Variants in RPS19 observed in about 807,000 individuals in gnomAD.
The protein encoded by RPS19 is ribosomal protein S19, also known as small ribosomal subunit protein eS19.
In RPS19, 1 loss-of-function variant was observed where a neutral mutation model predicts 20.3. That is an observed-to-expected ratio of 0.05 (90% confidence interval 0.02 to 0.23). The LOEUF (loss-of-function observed/expected upper bound fraction) is 0.23, where lower values mean the gene tolerates loss of function less well. Among genes scored for constraint, RPS19 ranks in the 10% least tolerant of loss-of-function variants. The probability of loss-of-function intolerance (pLI) is 1.00; values close to 1 mark genes in which losing one functional copy is unlikely to be tolerated. For missense variants in RPS19, 111 were observed against 192.7 expected (o/e 0.58, Z 2.51); for synonymous variants, 87 against 74.8 (o/e 1.16, Z -0.84).
intron 3 of RPS19, among the ~76,000 whole-genome samples, chr19:41,866,301 A>G (rs1031672785): frequency 6.6e-6 from 1 of 152,206 alleles, no homozygotes; most frequent in Non-Finnish European, 1.5e-5. Flanking sequence ...TGCGTTCCCC[A>G]GTCCTGGGTA....
chr19:41,871,207 CCCACAG>C lies in RPS19; in HGVS notation c.412-143_412-138del, dbSNP rs2123290284. 3.8e-6 allele frequency: 3 copies of C among 782,618 alleles called. No homozygotes were observed. The East Asian group carries it at 7.4e-5, about 19-fold the overall frequency. 48.5% of individuals were successfully genotyped at this position (782,618 alleles called of 1,614,324 possible). Reference sequence around the variant, plus strand: ...TCCACGTCTGTGAAATGGGGGAATACCCACAGTGAGAATTAGATGAGATAGATGCAT... The same window carrying C: ...TCCACGTCTGTGAAATGGGGGAATACTGAGAATTAGATGAGATAGATGCAT... On this transcript the variant is annotated intron_variant, in intron 5 of 5. Coordinates refer to ENST00000598742, the MANE Select transcript of RPS19 (RefSeq NM_001022.4).
chr19:41,868,888 G>A (rs528286254), intron 3 of RPS19, 143 bp from the exon 4 acceptor site: 2 of 854,850 alleles, frequency 2.3e-6, no homozygotes, highest in East Asian at 5.3e-5. Flanking sequence ...GTGAGGAGAG[G>A]GGGCTGTCAG....
In RPS19 at chr19:41,871,924, C is replaced by G. The variant is rs956646830; in HGVS notation, c.*547C>G. The G allele has an allele frequency of 6.0e-6, 1 of 166,318 alleles. No homozygotes were observed. Among genetic ancestry groups the G allele is most frequent in the Middle Eastern group, 3.0e-3 (1 of 338 alleles). 10.3% of individuals were successfully genotyped at this position (166,318 alleles called of 1,614,324 possible). A position where few individuals can be genotyped will look rare whatever the true frequency, so the allele number is the denominator to read the frequency against. ...CCCTGGAAGGTAGAAAAGGACAGAC[C>G]ACCAGGGAGCCTCCACCGCAAACTG... On this transcript the variant is annotated 3_prime_UTR_variant, in exon 6 of 6. Coordinates refer to ENST00000598742, the MANE Select transcript of RPS19 (RefSeq NM_001022.4).
intron 3 of RPS19, among the ~76,000 whole-genome samples, chr19:41,866,858 T>C (rs2074095616): frequency 6.6e-6 from 1 of 151,532 alleles, no homozygotes; most frequent in South Asian, 2.1e-4. Context: ...CTACTAAAAA[T>C]ACAAAAAAAT....
In RPS19 at chr19:41,869,295, G is replaced by A. The variant is rs185818133; in HGVS notation, c.356+81G>A. On this transcript the variant is annotated intron_variant, in intron 4 of 5. Coordinates refer to ENST00000598742, the MANE Select transcript of RPS19 (RefSeq NM_001022.4). Reference sequence around the variant, plus strand: ...ATTCCCCAACGAATGGTCCTGCATAGTCTGCCCAGCCCCTCAGGCCCCTCC... The same window carrying A: ...ATTCCCCAACGAATGGTCCTGCATAATCTGCCCAGCCCCTCAGGCCCCTCC... 8.3e-6 allele frequency: 11 copies of A among 1,330,242 alleles called. No individual in the cohort carries two copies. In the African/African-American group the frequency reaches 1.6e-4, roughly 19 times the overall value. 82.4% of individuals were successfully genotyped at this position (1,330,242 alleles called of 1,614,324 possible). A position where few individuals can be genotyped will look rare whatever the true frequency, so the allele number is the denominator to read the frequency against.
chr19:41,866,964 C>T (rs1189979973), intron 3 of RPS19, among the ~76,000 whole-genome samples: 1 of 151,786 alleles, frequency 6.6e-6, no homozygotes, highest in African/African-American at 2.4e-5. Flanking sequence ...TTGCAGTGAA[C>T]CGAGATTGCG....
intron 3 of RPS19, among the ~76,000 whole-genome samples, chr19:41,868,057 A>C (rs1487839720): frequency 1.3e-5 from 2 of 152,110 alleles, no homozygotes; most frequent in Non-Finnish European, 2.9e-5. Context: ...GTTATGGAAG[A>C]ACCCCCAATT....
intron 1 of RPS19, 75 bp from the exon 2 acceptor site, chr19:41,860,700 G>C: frequency 9.2e-7 from 1 of 1,084,554 alleles, no homozygotes. Flanking sequence ...GGAGCGAAAG[G>C]ATTGGGGTGG....
intron 5 of RPS19, among the ~76,000 whole-genome samples, chr19:41,870,845 CTTCCTTT>C (rs2074139549): frequency 1.5e-4 from 17 of 112,904 alleles, no homozygotes; most frequent in African/African-American, 5.5e-4. Context: ...CCGCCACTCC[CTTCCTTT>C]TTTTTTTTTT....
intron 3 of RPS19, among the ~76,000 whole-genome samples, chr19:41,868,666 C>T (rs2074113306): frequency 6.6e-6 from 1 of 152,104 alleles, no homozygotes; most frequent in Non-Finnish European, 1.5e-5. Context: ...ACTGAGGTGG[C>T]CCGGAGAGTG....
At chr19:41,870,849 C>CTTTTTTTTTTTTTT (rs35987051) in intron 5 of RPS19, among the ~76,000 whole-genome samples, 20 of 44,024 alleles carry the variant, frequency 4.5e-4, no homozygotes, top group Non-Finnish European at 2.2e-4. Context: ...CACTCCCTTC[C>CTTTTTTTTTTTTTT]TTTTTTTTTT....
chr19:41,866,774 T>G (rs782667219), intron 3 of RPS19, among the ~76,000 whole-genome samples: 2 of 152,004 alleles, frequency 1.3e-5, no homozygotes, highest in African/African-American at 4.8e-5. Flanking sequence ...CCCAGCACTT[T>G]GGGAGGCCAA....
intron 3 of RPS19, among the ~76,000 whole-genome samples, chr19:41,866,891 C>T (rs1315704082): frequency 1.3e-5 from 2 of 152,106 alleles, no homozygotes; most frequent in Admixed American, 6.6e-5. Flanking sequence ...GTGGCGGGCC[C>T]CTGTAGTCCC....
chr19:41,865,551 C>T (rs1298719564), intron 3 of RPS19, among the ~76,000 whole-genome samples: 3 of 152,080 alleles, frequency 2.0e-5, no homozygotes. Flanking sequence ...CTGCTCTGGG[C>T]GCTAGTCCCA....
At chr19:41,864,558 C>G (rs1267150356) in intron 3 of RPS19, 1 of 152,430 alleles carries the variant, frequency 6.6e-6, no homozygotes, top group East Asian at 1.9e-4. Context: ...GCCCCGTGCT[C>G]AGATCCAGAG....
rs536655576 is a variant in RPS19 at position 41,860,570 on chromosome 19, G to T, written c.1-205G>T. 287 of 642,164 alleles carry T rather than the reference G, an allele frequency of 4.5e-4. No homozygotes were observed. In the African/African-American group the frequency reaches 4.8e-3, roughly 11 times the overall value. 39.8% of individuals were successfully genotyped at this position (642,164 alleles called of 1,614,324 possible). A position where few individuals can be genotyped will look rare whatever the true frequency, so the allele number is the denominator to read the frequency against. ...TCCTCACACGCAGGGGCCGGGCTCT[G>T]TTAGTGCGATCCAGAGAGGCCGTGG... On this transcript the variant is annotated intron_variant, in intron 1 of 5. Transcript: ENST00000598742.
chr19:41,869,861 C>G, intron 5 of RPS19, 108 bp downstream of exon 5: 1 of 1,205,050 alleles, frequency 8.3e-7, no homozygotes, highest in Non-Finnish European at 1.2e-6. Context: ...AGGGCACAGC[C>G]CAGGGTGCTG....
rs2074154358 is a variant in RPS19 at position 41,872,059 on chromosome 19, T to C, written c.*682T>C. On this transcript the variant is annotated 3_prime_UTR_variant, in exon 6 of 6. Coordinates refer to ENST00000598742, the MANE Select transcript of RPS19 (RefSeq NM_001022.4). ...CGGTCTTGGGCCCGCTGAGTGGCAG[T>C]GGCAGGAAGTCGGTGGAAGCAGATC... 1 of 152,454 alleles carries C rather than the reference T, an allele frequency of 6.6e-6. No homozygotes were observed. The highest frequency in any genetic ancestry group is 2.1e-4 in the South Asian group (1 of 4,846). The allele number at this position is 152,454 out of a possible 1,614,324, so 9.4% of individuals were successfully genotyped here.
intron 3 of RPS19, among the ~76,000 whole-genome samples, chr19:41,865,121 C>T (rs2074071448): frequency 6.6e-6 from 1 of 152,150 alleles, no homozygotes; most frequent in Non-Finnish European, 1.5e-5. Context: ...CCTAATAGGC[C>T]TTTGGGAGGC....
Sources: allele counts gnomAD v4.1 joint callset (sites outside exome capture counted in the v4.1 genomes callset), GRCh38; gene constraint gnomAD v4.1.1; transcripts MANE v1.5; gene names NCBI Gene and HGNC (gene_info 2026-07-23, HGNC 2026-07-21).